Variants in PCNX2 observed in about 807,000 individuals in gnomAD.
PCNX2 encodes the protein pecanex 2, also known as pecanex-like protein 2.
A neutral mutation model predicts 223.8 loss-of-function variants in PCNX2; 168 were observed. That is an observed-to-expected ratio of 0.75 (90% CI 0.66 to 0.85). PCNX2 has a LOEUF of 0.85. Among genes scored for constraint, PCNX2 ranks in the 40% least tolerant of loss-of-function variants. The pLI is 0.00. For missense variants in PCNX2, 2,507 were observed against 2,675.5 expected (o/e 0.94, Z 1.39); for synonymous variants, 1,006 against 1,052.6 (o/e 0.96, Z 0.86).
At chr1:233,117,771 G>A (rs1675502517) in intron 21 of PCNX2, among the ~76,000 whole-genome samples, 1 of 151,860 alleles carries the variant, frequency 6.6e-6, no homozygotes, top group African/African-American at 2.4e-5. Context: ...AGCACTTTGG[G>A]AGGCCGAGGC....
chr1:233,305,712 C>T, the PCNX2 span, among the ~76,000 whole-genome samples: 55 of 152,176 alleles, frequency 3.6e-4, no homozygotes, highest in African/African-American at 1.3e-3. Flanking sequence ...ATCTTGGCCT[C>T]ACAAAGTACT....
intron 24 of PCNX2, among the ~76,000 whole-genome samples, chr1:233,054,941 GCA>G (rs1672138005): frequency 6.6e-6 from 1 of 152,116 alleles, no homozygotes; most frequent in African/African-American, 2.4e-5. Flanking sequence ...CTTGAAAAAT[GCA>G]CATAGTCATA....
Position 233,295,539 on chromosome 1 carries a change from T to C in PCNX2, c.-61A>G. 6.9e-7 allele frequency: 1 copy of C among 1,453,790 alleles called. No individual in the cohort carries two copies. Among genetic ancestry groups the C allele is most frequent in the East Asian group, 2.8e-5 (1 of 35,732 alleles). The allele number at this position is 1,453,790 out of a possible 1,614,324, so 90.1% of individuals were successfully genotyped here. On this transcript the variant is annotated 5_prime_UTR_variant, in exon 1 of 34. Coordinates refer to ENST00000258229, the MANE Select transcript of PCNX2 (RefSeq NM_014801.4). The surrounding 1 kb of genome is among the most constrained non-coding windows in gnomAD (Gnocchi z 4.1). ...GCACCCTGCGCGCCCCGGCCGGATC[T>C]CCAGGCTCCCTCAGGTCTAACACCC...
chr1:233,057,274 T>C lies in PCNX2; in HGVS notation c.4093A>G (p.Asn1365Asp), dbSNP rs750405566. 1.2e-6 allele frequency: 2 copies of C among 1,610,266 alleles called. No individual in the cohort carries two copies. The highest frequency in any genetic ancestry group is 1.1e-5 in the South Asian group (1 of 90,452). Residue 1365 changes from asparagine (N) to aspartate (D), a missense_variant, in exon 24 of 34, where the codon AAT becomes GAT. Asn to Asp is a conservative substitution (Grantham distance 23, BLOSUM62 1). This residue lies in a region of PCNX2 where 1,372 missense variants were observed against 1,509.4 expected (regional missense o/e 0.91). Transcript: ENST00000258229. ...TGGACTGCCAGTCTTGTGTTGGAATTATCCACTCGCCTTGTACTAGAAGAG... is the reference window on the plus strand; with the variant it reads ...TGGACTGCCAGTCTTGTGTTGGAATCATCCACTCGCCTTGTACTAGAAGAG... ...EKNYNTRRVDNSNTRLAVQIE... is the reference protein window; with the variant it reads ...EKNYNTRRVDDSNTRLAVQIE...
intron 21 of PCNX2, among the ~76,000 whole-genome samples, chr1:233,133,957 G>A (rs184735714): frequency 6.6e-6 from 1 of 152,186 alleles, no homozygotes; most frequent in Non-Finnish European, 1.5e-5. Flanking sequence ...CGATACAAGA[G>A]TTTTTTATTT....
chr1:233,094,041 T>C (rs1335942149), intron 22 of PCNX2, among the ~76,000 whole-genome samples: 1 of 152,206 alleles, frequency 6.6e-6, no homozygotes, highest in African/African-American at 2.4e-5. Flanking sequence ...TTGAAAATTA[T>C]GGTTCCCACA....
intron 22 of PCNX2, among the ~76,000 whole-genome samples, chr1:233,094,223 T>C (rs545241858): frequency 6.6e-6 from 1 of 152,256 alleles, no homozygotes; most frequent in East Asian, 1.9e-4. Context: ...CAACAACAAA[T>C]TTGCATTAAT....
At chr1:233,181,991 AC>A (rs1297197057) in intron 15 of PCNX2, among the ~76,000 whole-genome samples, 1 of 152,172 alleles carries the variant, frequency 6.6e-6, no homozygotes, top group Non-Finnish European at 1.5e-5. Context: ...TCTGAGCTCC[AC>A]ATTTCACTCC....
chr1:233,062,505 T>G (rs914686112), intron 23 of PCNX2, among the ~76,000 whole-genome samples: 2 of 152,236 alleles, frequency 1.3e-5, no homozygotes, highest in African/African-American at 2.4e-5. Flanking sequence ...TATATTTTCA[T>G]TGTGAATTTT....
intron 15 of PCNX2, among the ~76,000 whole-genome samples, chr1:233,191,610 C>T (rs559558854): frequency 4.1e-4 from 63 of 152,130 alleles, no homozygotes; most frequent in African/African-American, 1.5e-3. Flanking sequence ...TATGCCAGAC[C>T]TTATATTATA....
At chr1:233,049,750 C>T (rs1193207713) in intron 25 of PCNX2, among the ~76,000 whole-genome samples, 1 of 152,064 alleles carries the variant, frequency 6.6e-6, no homozygotes, top group East Asian at 1.9e-4. Context: ...GATAAAATAA[C>T]TTCAGGAAAG....
chr1:233,147,285 A>G (rs77395736), intron 19 of PCNX2, among the ~76,000 whole-genome samples: 4,329 of 152,334 alleles, frequency 0.028, 197 homozygotes, highest in African/African-American at 0.097. Flanking sequence ...GATGATTAAC[A>G]CATATTTTAT....
intron 23 of PCNX2, among the ~76,000 whole-genome samples, chr1:233,086,046 TAGGAA>T (rs778667034): frequency 6.6e-5 from 10 of 152,192 alleles, no homozygotes; most frequent in African/African-American, 7.2e-5. Flanking sequence ...TAGAGGAATT[TAGGAA>T]AGGAAAGATA....
At chr1:232,989,087 T>C (rs1669599982) in intron 32 of PCNX2, among the ~76,000 whole-genome samples, 1 of 152,150 alleles carries the variant, frequency 6.6e-6, no homozygotes, top group South Asian at 2.1e-4. Context: ...TCCCCAGTTA[T>C]GTGAGTTGAG....
At chr1:233,284,274 C>T (rs1050957602) in intron 1 of PCNX2, among the ~76,000 whole-genome samples, 1 of 152,118 alleles carries the variant, frequency 6.6e-6, no homozygotes, top group Non-Finnish European at 1.5e-5. Flanking sequence ...TTAAGAGACA[C>T]CTGTTGAAGT....
chr1:233,233,424 C>CTGTGTG (rs57458756), intron 9 of PCNX2, among the ~76,000 whole-genome samples: 3,418 of 140,292 alleles, frequency 0.024, 55 homozygotes, highest in Middle Eastern at 0.04. Flanking sequence ...TCCTCTTCTC[C>CTGTGTG]TGTGTGTGTG....
the PCNX2 span, among the ~76,000 whole-genome samples, chr1:233,323,449 C>T: frequency 6.6e-6 from 1 of 152,194 alleles, no homozygotes; most frequent in African/African-American, 2.4e-5. Context: ...GCATTTTTTA[C>T]AAATTGAAGG....
chr1:233,310,630 A>T, the PCNX2 span, among the ~76,000 whole-genome samples: 1 of 152,204 alleles, frequency 6.6e-6, no homozygotes, highest in Non-Finnish European at 1.5e-5. Context: ...CTGGGTGCTC[A>T]TGACAGTAAA....
At chr1:233,204,470 T>C (rs1194800306) in intron 13 of PCNX2, among the ~76,000 whole-genome samples, 3 of 152,206 alleles carry the variant, frequency 2.0e-5, no homozygotes, top group Non-Finnish European at 4.4e-5. Flanking sequence ...TTTTGTTTTC[T>C]CCCAATGTTT....
Sources: gnomAD v4.1 joint callset for allele counts (sites outside exome capture counted in the v4.1 genomes callset) on GRCh38, gnomAD v4.1.1 for gene constraint, gnomAD v4.1.1 regional missense constraint, Gnocchi (gnomAD v3.1) non-coding constraint, MANE v1.5 for transcripts, NCBI Gene and HGNC (gene_info 2026-07-23, HGNC 2026-07-21) for gene names.